The following PYROXD1 variants were observed in gnomAD, a reference collection of about 807,000 sequenced individuals.
The protein encoded by PYROXD1 is pyridine nucleotide-disulphide oxidoreductase domain 1, also known as tRNA ligase complex-associated NAD(P)H dehydrogenase PYROXD1.
Under a neutral mutation model 62.0 loss-of-function variants are expected in PYROXD1, and 42 were observed. That is an observed-to-expected ratio of 0.68 (90% confidence interval 0.53 to 0.88). The LOEUF (loss-of-function observed/expected upper bound fraction) is 0.88. Among genes scored for constraint, PYROXD1 ranks in the 40% least tolerant of loss-of-function variants. The probability of loss-of-function intolerance (pLI) is 0.00; values close to 1 mark genes in which losing one functional copy is unlikely to be tolerated. For synonymous variants in PYROXD1, 170 were observed against 206.4 expected (o/e 0.82, Z 1.51); for missense variants, 493 against 604.8 (o/e 0.82, Z 1.94).
At chr12:21,448,225 T>G in intron 3 of PYROXD1, 1 of 534,654 alleles carries the variant, frequency 1.9e-6, no homozygotes. Flanking sequence ...CCATCCATTT[T>G]GTTCTTATGA....
At chr12:21,463,910 T>A (rs894205731) in intron 10 of PYROXD1, among the ~76,000 whole-genome samples, 1 of 152,140 alleles carries the variant, frequency 6.6e-6, no homozygotes, top group Non-Finnish European at 1.5e-5. Context: ...ACATTTATCT[T>A]TGTTAAAGAC....
intron 3 of PYROXD1, chr12:21,448,336 T>G: frequency 3.4e-6 from 1 of 294,004 alleles, no homozygotes; most frequent in Non-Finnish European, 6.5e-6. Context: ...CTTTACATTT[T>G]TTAGTGAATT....
intron 6 of PYROXD1, among the ~76,000 whole-genome samples, chr12:21,455,688 T>G (rs1346419474): frequency 6.6e-6 from 1 of 151,594 alleles, no homozygotes; most frequent in Non-Finnish European, 1.5e-5. Context: ...ATTTTGGAGG[T>G]GCTAAAAATA....
chr12:21,437,950 C>T (rs2137232859), intron 1 of PYROXD1, 136 bp downstream of exon 1: 11 of 779,516 alleles, frequency 1.4e-5, no homozygotes, highest in East Asian at 2.7e-5. Context: ...ACTTATTGCT[C>T]CCAGATTTTA....
At chr12:21,457,924 G>A (rs1348224379) in intron 7 of PYROXD1, among the ~76,000 whole-genome samples, 1 of 147,770 alleles carries the variant, frequency 6.8e-6, no homozygotes, top group Admixed American at 6.8e-5. Context: ...AGGCTTTGTT[G>A]TTCCATTTAC....
intron 5 of PYROXD1, 55 bp from the exon 6 acceptor site, chr12:21,455,077 G>A: frequency 8.8e-7 from 1 of 1,136,450 alleles, no homozygotes; most frequent in Non-Finnish European, 1.2e-6. Flanking sequence ...CAAATGCAAA[G>A]ATTTTTTACT....
intron 5 of PYROXD1, among the ~76,000 whole-genome samples, chr12:21,453,999 A>T (rs1376173677): frequency 6.6e-6 from 1 of 150,512 alleles, no homozygotes; most frequent in African/African-American, 2.4e-5. Context: ...ATAAAATAGA[A>T]TGTTCACCCA....
intron 1 of PYROXD1, 193 bp downstream of exon 1, chr12:21,438,007 G>A (rs1420510227): frequency 3.3e-6 from 2 of 603,196 alleles, no homozygotes; most frequent in Non-Finnish European, 5.8e-6. Flanking sequence ...TTTCTCTTAG[G>A]CGCAGGGAGG....
chr12:21,441,056 C>G (rs993155439), intron 2 of PYROXD1, among the ~76,000 whole-genome samples: 4 of 151,964 alleles, frequency 2.6e-5, no homozygotes, highest in Admixed American at 2.0e-4. Context: ...GGAGTCTCAC[C>G]CTGTTGCCCA....
chr12:21,453,320 G>C (rs976460809), intron 5 of PYROXD1, among the ~76,000 whole-genome samples: 1 of 152,016 alleles, frequency 6.6e-6, no homozygotes, highest in African/African-American at 2.4e-5. Flanking sequence ...TTTGTATTTA[G>C]TAAGCTCTTC....
At chr12:21,452,480 A>G (rs750320384) in intron 5 of PYROXD1, among the ~76,000 whole-genome samples, 4 of 152,158 alleles carry the variant, frequency 2.6e-5, no homozygotes, top group East Asian at 1.9e-4. Flanking sequence ...AAATAATTCA[A>G]ATATTTACAC....
intron 8 of PYROXD1, among the ~76,000 whole-genome samples, chr12:21,461,741 C>G (rs1481851776): frequency 1.3e-5 from 2 of 152,100 alleles, no homozygotes; most frequent in East Asian, 1.9e-4. Flanking sequence ...TTTAAATGTA[C>G]TTTGTCAAAA....
Position 21,470,291 on chromosome 12 carries a change from T to G in PYROXD1, c.*1537T>G. 1 of 1,609,012 alleles carries G rather than the reference T, an allele frequency of 6.2e-7. No individual in the cohort carries two copies. The highest frequency in any genetic ancestry group is 8.5e-7 in the Non-Finnish European group (1 of 1,177,932). On this transcript the variant is annotated 3_prime_UTR_variant, in exon 12 of 12. Coordinates refer to ENST00000240651, the MANE Select transcript of PYROXD1 (RefSeq NM_024854.5). ...CTTCTTCTGGAAGTTGCCTGAATTT[T>G]TTTCCTCCATCTTTTTATCACCTTG...
chr12:21,443,012 A>G (rs753743164), intron 2 of PYROXD1, among the ~76,000 whole-genome samples: 3 of 151,528 alleles, frequency 2.0e-5, no homozygotes, highest in Non-Finnish European at 2.9e-5. Flanking sequence ...AGATTTGTCT[A>G]TATTTGTTTT....
rs151265631 is a variant in PYROXD1, at chr12:21,462,801, A to G, written c.1055A>G (p.Asp352Gly). ...GATCATATGCACACATCCCTTCCTG[A>G]TATCTATGCTGCCGGTGACATCTGT... The part of the protein sequence containing the change: ...VDDHMHTSLP[D>G]IYAAGDICTT... The change falls in exon 10 of 12, where the codon GAT becomes GGT. Residue 352 changes from aspartate to glycine, a missense_variant. Around this residue, in one of 2 missense-constraint regions of PYROXD1, gnomAD observed 329 missense variants for 446.6 expected, o/e 0.74. Coordinates refer to ENST00000240651, the MANE Select transcript of PYROXD1 (RefSeq NM_024854.5). The G allele has an allele frequency of 2.8e-4, 451 of 1,614,032 alleles. No individual in the cohort carries two copies. The highest frequency in any genetic ancestry group is 3.0e-4 in the Non-Finnish European group (351 of 1,179,978).
At chr12:21,449,058 C>T (rs1942443898) in intron 3 of PYROXD1, among the ~76,000 whole-genome samples, 1 of 151,824 alleles carries the variant, frequency 6.6e-6, no homozygotes, top group African/African-American at 2.4e-5. Context: ...CCTCTTGTTC[C>T]ACTCACTGCT....
chr12:21,458,480 T>G (rs1383083244), intron 7 of PYROXD1, among the ~76,000 whole-genome samples: 2 of 152,220 alleles, frequency 1.3e-5, no homozygotes, highest in Non-Finnish European at 2.9e-5. Flanking sequence ...TCAAGAATGT[T>G]TCCTTTGCAT....
intron 1 of PYROXD1, chr12:21,438,138 TA>T (rs1439595429): frequency 1.0e-4 from 29 of 277,014 alleles, no homozygotes; most frequent in Non-Finnish European, 1.4e-4. Context: ...CCTTTCTTTT[TA>T]TTTTTTTTTC....
At chr12:21,450,689 T>C (rs916897390) in intron 4 of PYROXD1, among the ~76,000 whole-genome samples, 25 of 152,220 alleles carry the variant, frequency 1.6e-4, no homozygotes, top group Non-Finnish European at 4.4e-5. Flanking sequence ...TCTGAAAATT[T>C]AATAATGTTT....
Sources: allele counts gnomAD v4.1 joint callset (sites outside exome capture counted in the v4.1 genomes callset), GRCh38; gene constraint gnomAD v4.1.1; regional missense constraint gnomAD v4.1.1; transcripts MANE v1.5; gene names NCBI Gene and HGNC (gene_info 2026-07-23, HGNC 2026-07-21).